The following MYO3B variants were observed in gnomAD, a reference collection of about 807,000 sequenced individuals.
The protein encoded by MYO3B is myosin-IIIb.
A neutral mutation model predicts 174.6 loss-of-function variants in MYO3B; 156 were observed. The observed-to-expected ratio is 0.89, with a 90% CI of 0.78 to 1.02. The LOEUF (loss-of-function observed/expected upper bound fraction) is 1.02, where lower values mean the gene tolerates loss of function less well. Among genes scored for constraint, MYO3B ranks in the 50% least tolerant of loss-of-function variants. The pLI is 0.00. For synonymous variants in MYO3B, 563 were observed against 569.1 expected (o/e 0.99, Z 0.15); for missense variants, 1,632 against 1,639.4 (o/e 1.00, Z 0.08).
intron 3 of MYO3B, among the ~76,000 whole-genome samples, chr2:170,203,386 A>G (rs2092682425): frequency 6.6e-6 from 1 of 152,058 alleles, no homozygotes; most frequent in African/African-American, 2.4e-5. Flanking sequence ...AAAACAAACA[A>G]CTTTGTCCTT....
intron 33 of MYO3B, 81 bp downstream of exon 33, chr2:170,651,815 C>T (rs1262443152): frequency 1.7e-6 from 2 of 1,178,600 alleles, no homozygotes; most frequent in Non-Finnish European, 2.5e-6. Flanking sequence ...TGTTCCAGCC[C>T]CTGCAGCCCC....
chr2:170,563,938 T>G (rs1691901839), intron 32 of MYO3B, among the ~76,000 whole-genome samples: 1 of 152,176 alleles, frequency 6.6e-6, no homozygotes. Flanking sequence ...TGGCATATGA[T>G]TTAAGGGTTC....
At chr2:170,573,061 T>C (rs930116028) in intron 32 of MYO3B, among the ~76,000 whole-genome samples, 1 of 151,884 alleles carries the variant, frequency 6.6e-6, no homozygotes, top group Non-Finnish European at 1.5e-5. Context: ...AGAGGTACAG[T>C]ATAAATCTGT....
chr2:170,409,022 A>T (rs375575651), intron 22 of MYO3B, among the ~76,000 whole-genome samples: 1 of 152,164 alleles, frequency 6.6e-6, no homozygotes, highest in East Asian at 1.9e-4. Flanking sequence ...TAGACTCCTC[A>T]TCAGGCGACT....
At position 170,652,981 on chromosome 2, in the gene MYO3B, A is replaced by C; in HGVS notation, c.3888-2A>C. ...AAAATCCTGTTGTTTTCTTTGTTGC[A>C]GCCAAATCAAAGTACTTGATGGGGA... On this transcript the variant is annotated splice_acceptor_variant, in intron 34 of 34. Coordinates refer to ENST00000408978, the MANE Select transcript of MYO3B (RefSeq NM_138995.5). LOFTEE classifies it high-confidence loss of function. 6.2e-7 allele frequency: 1 copy of C among 1,613,470 alleles called. No individual in the cohort carries two copies.
intron 32 of MYO3B, among the ~76,000 whole-genome samples, chr2:170,626,972 C>T (rs995177351): frequency 2.6e-5 from 4 of 152,058 alleles, no homozygotes; most frequent in Admixed American, 2.6e-4. Context: ...TCTCTGGCTG[C>T]CCTTAACATT....
At chr2:170,623,787 C>T (rs1239286332) in intron 32 of MYO3B, among the ~76,000 whole-genome samples, 1 of 152,210 alleles carries the variant, frequency 6.6e-6, no homozygotes, top group Non-Finnish European at 1.5e-5. Context: ...CATCTTTCTA[C>T]ATATGGCTAG....
chr2:170,542,788 A>C, intron 30 of MYO3B, 118 bp from the exon 31 acceptor site: 2 of 733,090 alleles, frequency 2.7e-6, no homozygotes, highest in Non-Finnish European at 4.3e-6. Context: ...TGAAATGGGA[A>C]ACCATGGAAG....
At chr2:170,574,654 T>C (rs1692675195) in intron 32 of MYO3B, among the ~76,000 whole-genome samples, 1 of 152,158 alleles carries the variant, frequency 6.6e-6, no homozygotes, top group South Asian at 2.1e-4. Context: ...ACAGTTATGG[T>C]GAGTTGTTTT....
rs1441127018 is a variant in MYO3B at position 170,635,890 on chromosome 2, CT to C, written c.3734-15737del. ...CACATGTATGTAATATGCAACACCC[CT>C]GACTGACATTTCCTTGTACAAATTA... is the stretch of plus-strand genomic sequence containing the variant. On this transcript the variant is annotated intron_variant, in intron 32 of 34. Transcript: ENST00000408978. Among the ~76,000 whole-genome samples, 7 of 152,270 alleles carry C rather than the reference CT, an allele frequency of 4.6e-5. No homozygotes were observed. The South Asian group carries it at 1.0e-3, about 23-fold the overall frequency.
chr2:170,500,945 A>G (rs182449029), intron 27 of MYO3B, among the ~76,000 whole-genome samples: 20 of 152,296 alleles, frequency 1.3e-4, no homozygotes, highest in Admixed American at 7.8e-4. Context: ...CAATAGACAA[A>G]TGATTATGAA....
intron 24 of MYO3B, among the ~76,000 whole-genome samples, chr2:170,466,301 A>T (rs139946536): frequency 6.6e-6 from 1 of 152,212 alleles, no homozygotes; most frequent in Non-Finnish European, 1.5e-5. Context: ...ATTGCTTGGC[A>T]CTAGGTGATG....
chr2:170,379,369 A>T (rs756970677), intron 9 of MYO3B, among the ~76,000 whole-genome samples: 4 of 151,924 alleles, frequency 2.6e-5, no homozygotes, highest in Non-Finnish European at 4.4e-5. Flanking sequence ...TAATTTTTGT[A>T]TTTTTGGTAG....
In MYO3B at chr2:170,236,155, C is replaced by A; in HGVS notation, c.749+19C>A. 1 of 1,613,948 alleles carries A rather than the reference C, an allele frequency of 6.2e-7. No individual in the cohort carries two copies. Among genetic ancestry groups the A allele is most frequent in the Non-Finnish European group, 8.5e-7 (1 of 1,179,914 alleles). On this transcript the variant is annotated intron_variant, in intron 7 of 34. Transcript: ENST00000408978. The stretch of plus-strand genomic sequence containing the variant: ...TTCCAAGGTAAGACACAAGATGGCG[C>A]TCTTGACTCATTAGTTCTTTGTGAA...
At chr2:170,195,575 G>C (rs2092590085) in intron 1 of MYO3B, among the ~76,000 whole-genome samples, 1 of 152,114 alleles carries the variant, frequency 6.6e-6, no homozygotes, top group African/African-American at 2.4e-5. Flanking sequence ...CTGGACACTG[G>C]ACAAGGACCT....
chr2:170,432,952 T>C (rs1558996071), intron 22 of MYO3B, among the ~76,000 whole-genome samples: 6 of 152,184 alleles, frequency 3.9e-5, no homozygotes, highest in Admixed American at 2.6e-4. Context: ...TGTACAGTAA[T>C]GTACACTAAT....
At chr2:170,514,027 G>A (rs1034057309) in intron 28 of MYO3B, among the ~76,000 whole-genome samples, 1 of 152,228 alleles carries the variant, frequency 6.6e-6, no homozygotes, top group Admixed American at 6.5e-5. Context: ...AGAACAAGGT[G>A]TAGGTAAGAG....
chr2:170,432,448 T>G (rs2094716982), intron 22 of MYO3B, among the ~76,000 whole-genome samples: 1 of 152,006 alleles, frequency 6.6e-6, no homozygotes, highest in Non-Finnish European at 1.5e-5. Flanking sequence ...GAAAATATTT[T>G]TGTACATCTT....
chr2:170,506,910 G>A (rs1276978507), intron 28 of MYO3B, among the ~76,000 whole-genome samples: 1 of 152,188 alleles, frequency 6.6e-6, no homozygotes, highest in African/African-American at 2.4e-5. Flanking sequence ...AGGAAAACAA[G>A]CATGCCCTCT....
Sources: gnomAD v4.1 joint callset for allele counts (sites outside exome capture counted in the v4.1 genomes callset) on GRCh38, gnomAD v4.1.1 for gene constraint, MANE v1.5 for transcripts, NCBI Gene and HGNC (gene_info 2026-07-23, HGNC 2026-07-21) for gene names.